The following ATRNL1 variants were observed in gnomAD, a reference collection of about 807,000 sequenced individuals.
ATRNL1 encodes the protein attractin like 1.
In ATRNL1, 95 loss-of-function variants were observed where a neutral mutation model predicts 182.7. The observed-to-expected ratio is 0.52, with a 90% confidence interval of 0.44 to 0.62. The LOEUF is 0.62. Ranked by LOEUF, ATRNL1 falls within the 20% of genes least tolerant of loss-of-function variation. The probability of loss-of-function intolerance (pLI) is 0.00; values close to 1 mark genes in which losing one functional copy is unlikely to be tolerated. For synonymous variants in ATRNL1, 576 were observed against 568.3 expected (o/e 1.01, Z -0.19); for missense variants, 1,471 against 1,679.5 (o/e 0.88, Z 2.17).
chr10:115,211,570 A>C (rs1554894996), intron 8 of ATRNL1, among the ~76,000 whole-genome samples: 1 of 151,232 alleles, frequency 6.6e-6, no homozygotes, highest in African/African-American at 2.4e-5. Flanking sequence ...TGAATCTGTA[A>C]GTTTATGTCT....
intron 9 of ATRNL1, among the ~76,000 whole-genome samples, chr10:115,233,301 C>T (rs1484953574): frequency 6.6e-6 from 1 of 152,136 alleles, no homozygotes; most frequent in Non-Finnish European, 1.5e-5. Context: ...GGACAGTATT[C>T]ATTCAACCAG....
At chr10:115,172,887 A>G (rs557295679) in intron 8 of ATRNL1, among the ~76,000 whole-genome samples, 1 of 148,318 alleles carries the variant, frequency 6.7e-6, no homozygotes, top group Non-Finnish European at 1.5e-5. Context: ...CTGTAAGTTT[A>G]TAATTACTCA....
chr10:115,388,132 T>C (rs966525351), intron 19 of ATRNL1, among the ~76,000 whole-genome samples: 23 of 152,212 alleles, frequency 1.5e-4, no homozygotes, highest in Non-Finnish European at 2.9e-4. Flanking sequence ...TATCTTGTTA[T>C]AATATCTAAC....
intron 24 of ATRNL1, among the ~76,000 whole-genome samples, chr10:115,514,028 A>G (rs1554983299): frequency 6.6e-6 from 1 of 151,956 alleles, no homozygotes; most frequent in African/African-American, 2.4e-5. Context: ...TACTTTTTAT[A>G]GAGACTTTAC....
At chr10:115,306,448 T>C (rs1226915577) in intron 17 of ATRNL1, among the ~76,000 whole-genome samples, 1 of 152,172 alleles carries the variant, frequency 6.6e-6, no homozygotes, top group Non-Finnish European at 1.5e-5. Context: ...TTTTTCTTTC[T>C]TGTTGGCATT....
chr10:115,734,419 A>G (rs1555064619), intron 27 of ATRNL1, among the ~76,000 whole-genome samples: 1 of 152,082 alleles, frequency 6.6e-6, no homozygotes, highest in African/African-American at 2.4e-5. Flanking sequence ...GTAAAATTGA[A>G]TATTTTTGTA....
intron 27 of ATRNL1, among the ~76,000 whole-genome samples, chr10:115,811,214 C>T (rs1361429374): frequency 6.6e-6 from 1 of 151,794 alleles, no homozygotes; most frequent in Non-Finnish European, 1.5e-5. Context: ...TTTCAATTTT[C>T]CTTGTGACTA....
chr10:115,797,607 A>AC (rs1159893645), intron 27 of ATRNL1, among the ~76,000 whole-genome samples: 3 of 152,046 alleles, frequency 2.0e-5, no homozygotes, highest in African/African-American at 7.2e-5. Context: ...AGTTAAAAAA[A>AC]AAATTGTATG....
At chr10:115,796,183 A>G (rs1949649853) in intron 27 of ATRNL1, among the ~76,000 whole-genome samples, 1 of 151,714 alleles carries the variant, frequency 6.6e-6, no homozygotes, top group Non-Finnish European at 1.5e-5. Context: ...AGATGCCGTC[A>G]TCACCCTGCT....
intron 28 of ATRNL1, among the ~76,000 whole-genome samples, chr10:115,891,501 A>C (rs988134054): frequency 5.0e-4 from 76 of 152,220 alleles, no homozygotes; most frequent in Non-Finnish European, 6.6e-4. Flanking sequence ...TATTGTGCAT[A>C]TATAATGCCA....
intron 28 of ATRNL1, among the ~76,000 whole-genome samples, chr10:115,908,875 T>C (rs984522360): frequency 2.0e-5 from 3 of 152,220 alleles, no homozygotes; most frequent in African/African-American, 7.2e-5. Context: ...ACATGGAATA[T>C]ATGATTCACT....
chr10:115,157,699 G>A (rs1180746529), intron 5 of ATRNL1, among the ~76,000 whole-genome samples: 4 of 152,018 alleles, frequency 2.6e-5, no homozygotes, highest in Non-Finnish European at 4.4e-5. Flanking sequence ...GATAATTCAC[G>A]ATAATCTCTC....
chr10:115,583,485 C>T (rs1372568298), intron 26 of ATRNL1, among the ~76,000 whole-genome samples: 1 of 107,118 alleles, frequency 9.3e-6, no homozygotes, highest in African/African-American at 2.8e-5. Flanking sequence ...AAGTTGGATT[C>T]CTGGGTATTT....
intron 26 of ATRNL1, among the ~76,000 whole-genome samples, chr10:115,661,017 C>T (rs1422497338): frequency 6.6e-6 from 1 of 151,980 alleles, no homozygotes; most frequent in Non-Finnish European, 1.5e-5. Flanking sequence ...GGAACAATAT[C>T]ATTATTATCA....
intron 25 of ATRNL1, among the ~76,000 whole-genome samples, chr10:115,538,016 T>C (rs1369163324): frequency 2.0e-5 from 3 of 152,196 alleles, no homozygotes; most frequent in African/African-American, 7.2e-5. Context: ...TCCAAGGTGC[T>C]TTTTTGTATC....
At chr10:115,268,960 A>C (rs1377695972) in intron 13 of ATRNL1, among the ~76,000 whole-genome samples, 1 of 152,206 alleles carries the variant, frequency 6.6e-6, no homozygotes, top group Non-Finnish European at 1.5e-5. Context: ...GACATTTTGC[A>C]GAGACATTTT....
rs73381649 is a variant in ATRNL1 at position 115,853,515 on chromosome 10, T to C, written c.4018+5524T>C. Among the ~76,000 whole-genome samples, 499 of 152,264 alleles carry C rather than the reference T, an allele frequency of 3.3e-3. 1 individual carries two copies. The highest frequency in any genetic ancestry group is 0.011 in the African/African-American group (464 of 41,564). On this transcript the variant is annotated intron_variant, in intron 28 of 28. Transcript: ENST00000355044. ...ACAGTTTTTTAAAGCAAATTTCCAG[T>C]TTCTAGCAGCCTCTGAAATTTCTAT...
intron 24 of ATRNL1, among the ~76,000 whole-genome samples, chr10:115,474,655 G>T (rs577487692): frequency 1.3e-5 from 2 of 151,406 alleles, no homozygotes; most frequent in East Asian, 3.9e-4. Flanking sequence ...CTTGAGTCTG[G>T]TGGTGGATGA....
chr10:115,413,754 TG>T (rs1565016328), intron 20 of ATRNL1, among the ~76,000 whole-genome samples: 1 of 152,126 alleles, frequency 6.6e-6, no homozygotes, highest in East Asian at 1.9e-4. Flanking sequence ...GCCTCAGTTG[TG>T]GAATCAGCTG....
Sources: gnomAD v4.1 joint callset for allele counts (sites outside exome capture counted in the v4.1 genomes callset) on GRCh38, gnomAD v4.1.1 for gene constraint, MANE v1.5 for transcripts, NCBI Gene and HGNC (gene_info 2026-07-23, HGNC 2026-07-21) for gene names.